Variants in MARCHF3 observed in about 807,000 individuals in gnomAD.
The protein encoded by MARCHF3 is membrane associated ring-CH-type finger 3.
In MARCHF3, 13 loss-of-function variants were observed where a neutral mutation model predicts 24.2. The ratio of observed to expected loss-of-function variants is 0.54; its 90% CI spans 0.35 to 0.85. MARCHF3 has a LOEUF of 0.85. Ranked by LOEUF, MARCHF3 falls within the 40% of genes least tolerant of loss-of-function variation. The pLI, the probability that MARCHF3 is intolerant of heterozygous loss-of-function variation, is 0.01. For missense variants in MARCHF3, 276 were observed against 325.0 expected (o/e 0.85, Z 1.16); for synonymous variants, 144 against 137.3 (o/e 1.05, Z -0.34).
At chr5:127,021,556 G>A (rs1196480088) in intron 1 of MARCHF3, among the ~76,000 whole-genome samples, 2 of 152,144 alleles carry the variant, frequency 1.3e-5, no homozygotes, top group Non-Finnish European at 2.9e-5. Flanking sequence ...AATAGTAAAT[G>A]GTGCCTTAGC....
At chr5:126,988,921 G>T (rs889385356) in intron 1 of MARCHF3, among the ~76,000 whole-genome samples, 3 of 152,096 alleles carry the variant, frequency 2.0e-5, no homozygotes, top group African/African-American at 7.2e-5. Flanking sequence ...AGGGAATAAA[G>T]AAAAGATGTT....
chr5:126,918,398 A>G (rs567890776), intron 1 of MARCHF3, among the ~76,000 whole-genome samples, 171 bp from the exon 2 acceptor site: 147 of 152,026 alleles, frequency 9.7e-4, no homozygotes, highest in African/African-American at 3.5e-3. Flanking sequence ...ACACACACAC[A>G]CACAGAGCCC....
intron 1 of MARCHF3, among the ~76,000 whole-genome samples, chr5:127,023,736 AT>A (rs1580501651): frequency 1.5e-4 from 5 of 32,602 alleles, no homozygotes; most frequent in African/African-American, 4.2e-4. Context: ...GTCTCAAAAA[AT>A]AAATAAATAA....
At chr5:126,925,872 C>A (rs914129766) in intron 1 of MARCHF3, among the ~76,000 whole-genome samples, 7 of 152,126 alleles carry the variant, frequency 4.6e-5, no homozygotes, top group African/African-American at 1.7e-4. Context: ...TCAGTGTGAC[C>A]AGCAGCAAAT....
At chr5:126,992,766 A>ATTTTTTTTTTTTTT (rs757479478) in intron 1 of MARCHF3, among the ~76,000 whole-genome samples, 3 of 95,522 alleles carry the variant, frequency 3.1e-5, no homozygotes, top group African/African-American at 4.2e-5. Context: ...CATCCACGTG[A>ATTTTTTTTTTTTTT]TTTTTTTTTT....
At chr5:126,889,254 C>G (rs778302537) in intron 3 of MARCHF3, among the ~76,000 whole-genome samples, 1 of 152,096 alleles carries the variant, frequency 6.6e-6, no homozygotes, top group African/African-American at 2.4e-5. Flanking sequence ...ATGGGATACA[C>G]TGTACCAGGA....
At chr5:126,932,021 G>C (rs760403671) in intron 1 of MARCHF3, among the ~76,000 whole-genome samples, 2 of 152,210 alleles carry the variant, frequency 1.3e-5, no homozygotes, top group Non-Finnish European at 2.9e-5. Flanking sequence ...AGGATTAAAT[G>C]AAATAACATA....
At chr5:126,896,326 C>T (rs1384647599) in intron 3 of MARCHF3, among the ~76,000 whole-genome samples, 1 of 152,118 alleles carries the variant, frequency 6.6e-6, no homozygotes, top group Non-Finnish European at 1.5e-5. Context: ...GCCATCTTGG[C>T]TCCTCCCAGA....
In MARCHF3 at chr5:126,869,228, A is replaced by G. The variant is rs1274417437; in HGVS notation, c.*1405T>C. 6.6e-6 allele frequency: 1 copy of G among 152,194 alleles called. No individual in the cohort carries two copies. The highest frequency in any genetic ancestry group is 2.4e-5 in the African/African-American group (1 of 41,432). 9.4% of individuals were successfully genotyped at this position (152,194 alleles called of 1,614,324 possible). A position where few individuals can be genotyped will look rare whatever the true frequency, so the allele number is the denominator to read the frequency against. Reference sequence around the variant, plus strand: ...GGAACACAAGGCAGATGCTGGAGTGATACTCAGAATGTGGGTCATGTTCTA... The same window carrying G: ...GGAACACAAGGCAGATGCTGGAGTGGTACTCAGAATGTGGGTCATGTTCTA... On this transcript the variant is annotated 3_prime_UTR_variant, in exon 5 of 5. Coordinates refer to ENST00000308660, the MANE Select transcript of MARCHF3 (RefSeq NM_178450.5).
chr5:127,026,630 C>T (rs949631836), intron 1 of MARCHF3, among the ~76,000 whole-genome samples: 5 of 152,210 alleles, frequency 3.3e-5, no homozygotes, highest in Non-Finnish European at 5.9e-5. Flanking sequence ...CATATCACCA[C>T]AATCCTAAAT....
intron 1 of MARCHF3, among the ~76,000 whole-genome samples, chr5:127,007,553 T>C (rs944202997): frequency 2.0e-5 from 3 of 152,138 alleles, no homozygotes; most frequent in Non-Finnish European, 4.4e-5. Context: ...TTCTTAATGA[T>C]AGTAGGTATA....
intron 1 of MARCHF3, among the ~76,000 whole-genome samples, chr5:126,977,277 T>G (rs1041937989): frequency 6.6e-6 from 1 of 152,176 alleles, no homozygotes; most frequent in Non-Finnish European, 1.5e-5. Flanking sequence ...TATAATTGAC[T>G]CCCCTCTTTG....
At chr5:126,957,061 A>C (rs1750472174) in intron 1 of MARCHF3, among the ~76,000 whole-genome samples, 1 of 150,322 alleles carries the variant, frequency 6.7e-6, no homozygotes, top group Non-Finnish European at 1.5e-5. Flanking sequence ...TGCCCGGCTA[A>C]GAATGGTATT....
At chr5:126,928,447 G>T (rs1438629575) in intron 1 of MARCHF3, among the ~76,000 whole-genome samples, 1 of 152,076 alleles carries the variant, frequency 6.6e-6, no homozygotes, top group Non-Finnish European at 1.5e-5. Flanking sequence ...AAAGAAATAG[G>T]TTTTTTTAAA....
chr5:126,874,006 G>A (rs1244966800), intron 4 of MARCHF3, among the ~76,000 whole-genome samples: 1 of 152,196 alleles, frequency 6.6e-6, no homozygotes, highest in African/African-American at 2.4e-5. Context: ...AACATAAAAA[G>A]ATGCTCCAAC....
At chr5:126,893,180 T>C (rs2126777132) in intron 3 of MARCHF3, among the ~76,000 whole-genome samples, 1 of 152,156 alleles carries the variant, frequency 6.6e-6, no homozygotes, top group Non-Finnish European at 1.5e-5. Flanking sequence ...TCTTCTCTCT[T>C]TTTTTCTTTA....
intron 4 of MARCHF3, among the ~76,000 whole-genome samples, chr5:126,877,588 T>C (rs969356189): frequency 6.6e-6 from 1 of 152,210 alleles, no homozygotes; most frequent in Non-Finnish European, 1.5e-5. Context: ...AGAACACTTA[T>C]TGGGAAATGG....
At chr5:126,893,465 G>A (rs555774575) in intron 3 of MARCHF3, among the ~76,000 whole-genome samples, 5 of 151,906 alleles carry the variant, frequency 3.3e-5, no homozygotes, top group South Asian at 2.1e-4. Context: ...CTTTGAATGC[G>A]TCCCAGAGAT....
chr5:126,909,707 T>C lies in MARCHF3; in HGVS notation c.393+5223A>G, dbSNP rs536280311. ...CCCGCACCCACTGACCTGGGCCCAC[T>C]GTCTGGCACTCCCTAGTGAGATGAA... On this transcript the variant is annotated intron_variant, in intron 3 of 4. Transcript: ENST00000308660. 2.0e-5 allele frequency among the ~76,000 whole-genome samples: 3 copies of C among 152,274 alleles called. No homozygotes were observed. The South Asian group carries it at 6.2e-4, about 32-fold the overall frequency.
Sources: allele counts gnomAD v4.1 joint callset (sites outside exome capture counted in the v4.1 genomes callset), GRCh38; gene constraint gnomAD v4.1.1; transcripts MANE v1.5; gene names NCBI Gene and HGNC (gene_info 2026-07-23, HGNC 2026-07-21).